Variants in TRPM4 observed in about 807,000 individuals in gnomAD.
The protein encoded by TRPM4 is transient receptor potential cation channel subfamily M member 4.
Under a neutral mutation model 135.6 loss-of-function variants are expected in TRPM4, and 124 were observed. That is an observed-to-expected ratio of 0.91 (90% CI 0.79 to 1.06). The LOEUF (loss-of-function observed/expected upper bound fraction) is 1.06, where lower values mean the gene tolerates loss of function less well. Among genes scored for constraint, TRPM4 ranks in the 50% least tolerant of loss-of-function variants. The probability of loss-of-function intolerance (pLI) is 0.00; values close to 1 mark genes in which losing one functional copy is unlikely to be tolerated. For missense variants in TRPM4, 1,658 were observed against 1,671.4 expected (o/e 0.99, Z 0.14); for synonymous variants, 745 against 705.6 (o/e 1.06, Z -0.88).
At chr19:49,164,289 CCCTCCCTTCCTT>C (rs1262727015) in intron 2 of TRPM4, among the ~76,000 whole-genome samples, 2 of 110,492 alleles carry the variant, frequency 1.8e-5, no homozygotes, top group South Asian at 3.9e-4. Flanking sequence ...CTCCCTCCCT[CCCTCCCTTCCTT>C]CCTTCCTTCC....
intron 16 of TRPM4, among the ~76,000 whole-genome samples, chr19:49,192,329 G>A (rs1169298904): frequency 2.0e-5 from 3 of 152,040 alleles, no homozygotes; most frequent in South Asian, 2.1e-4. Context: ...ATTTTTAGTA[G>A]AGACGGGGTT....
rs2122725747 is a variant in TRPM4 at position 49,158,240 on chromosome 19, G to A, written c.73G>A (p.Val25Ile). ...FKKKTCTTFIVDSTDPGGTLC... is the reference protein window; with the variant it reads ...FKKKTCTTFIIDSTDPGGTLC... ...GAAGAAGACCTGCACGACGTTCATAGTTGACTCCACAGATCCGGGGTGAGG... is the reference window on the plus strand; with the variant it reads ...GAAGAAGACCTGCACGACGTTCATAATTGACTCCACAGATCCGGGGTGAGG... Residue 25 changes from valine (V) to isoleucine (I), a missense_variant, in exon 2 of 25, where the codon GTT becomes ATT. By Grantham distance (29) the Val-to-Ile change is conservative (BLOSUM62 3). Around this residue, in one of 3 missense-constraint regions of TRPM4, gnomAD observed 239 missense variants for 240.1 expected, o/e 1.00. Coordinates refer to ENST00000252826, the MANE Select transcript of TRPM4 (RefSeq NM_017636.4). 1.2e-6 allele frequency: 2 copies of A among 1,613,914 alleles called. No individual in the cohort carries two copies. Among genetic ancestry groups the A allele is most frequent in the South Asian group, 1.1e-5 (1 of 91,080 alleles).
intron 2 of TRPM4, 41 bp downstream of exon 2, chr19:49,158,300 G>A: frequency 6.3e-7 from 1 of 1,591,374 alleles, no homozygotes; most frequent in Non-Finnish European, 8.6e-7. Context: ...AGGGTCCGCG[G>A]CCCGCTGACC....
At chr19:49,169,733 G>GT (rs905953490) in intron 6 of TRPM4, among the ~76,000 whole-genome samples, 4 of 151,310 alleles carry the variant, frequency 2.6e-5, no homozygotes, top group African/African-American at 9.7e-5. Context: ...AATTTTTAAA[G>GT]TTTTTTGTAG....
At chr19:49,179,131 C>T (rs974006856) in intron 9 of TRPM4, among the ~76,000 whole-genome samples, 1 of 152,064 alleles carries the variant, frequency 6.6e-6, no homozygotes, top group Non-Finnish European at 1.5e-5. Flanking sequence ...TCTTGGCTCA[C>T]TGCAACCTCC....
intron 20 of TRPM4, among the ~76,000 whole-genome samples, chr19:49,206,542 C>T (rs554775072): frequency 1.3e-5 from 2 of 151,688 alleles, no homozygotes; most frequent in East Asian, 1.9e-4. Context: ...CGGGCTCAAG[C>T]GATTCTCCTG....
intron 12 of TRPM4, among the ~76,000 whole-genome samples, chr19:49,185,412 T>TA (rs1196241440): frequency 6.6e-6 from 1 of 152,126 alleles, no homozygotes; most frequent in Non-Finnish European, 1.5e-5. Flanking sequence ...AAGCTAATTT[T>TA]AAAAAATTTG....
chr19:49,166,021 C>G lies in TRPM4; in HGVS notation c.93-20C>G. 8 of 1,574,488 alleles carry G rather than the reference C, an allele frequency of 5.1e-6. No homozygotes were observed. Among genetic ancestry groups the G allele is most frequent in the Non-Finnish European group, 6.9e-6 (8 of 1,161,952 alleles). On this transcript the variant is annotated intron_variant, in intron 2 of 24. Coordinates refer to ENST00000252826, the MANE Select transcript of TRPM4 (RefSeq NM_017636.4). ...GTCGGGGGGCAGCCCTGGGTTCACG[C>G]TCCGCCCTCGCACCCCCAGAGGGAC...
At chr19:49,162,901 A>C (rs1238536096) in intron 2 of TRPM4, among the ~76,000 whole-genome samples, 1 of 151,908 alleles carries the variant, frequency 6.6e-6, no homozygotes, top group Non-Finnish European at 1.5e-5. Context: ...AGCTGGGACT[A>C]CAGGCACCCG....
chr19:49,189,972 T>C (rs1252637511), intron 14 of TRPM4, among the ~76,000 whole-genome samples: 1 of 152,198 alleles, frequency 6.6e-6, no homozygotes. Context: ...CTAATCTACA[T>C]AAAGTGCTTA....
At chr19:49,182,549 C>A (rs1968019496) in intron 10 of TRPM4, 29 bp from the exon 11 acceptor site, 2 of 1,592,994 alleles carry the variant, frequency 1.3e-6, no homozygotes, top group South Asian at 1.1e-5. Flanking sequence ...TTGAGCTAAT[C>A]TCTTCCCCTA....
chr19:49,161,953 T>TA (rs1966983493), intron 2 of TRPM4, among the ~76,000 whole-genome samples: 1 of 152,304 alleles, frequency 6.6e-6, no homozygotes, highest in South Asian at 2.1e-4. Flanking sequence ...TCTGTTGAGT[T>TA]ACTTGACTGG....
At chr19:49,168,237 C>T in intron 4 of TRPM4, 23 bp from the exon 5 acceptor site, 4 of 1,614,004 alleles carry the variant, frequency 2.5e-6, no homozygotes, top group African/African-American at 1.3e-5. Flanking sequence ...CCTGCCTCTG[C>T]ATGTTCCTCG....
At chr19:49,181,033 A>T (rs147121565) in intron 9 of TRPM4, among the ~76,000 whole-genome samples, 6 of 152,086 alleles carry the variant, frequency 3.9e-5, no homozygotes, top group African/African-American at 9.7e-5. Context: ...TCTTCAGGGT[A>T]GGAACTGTAT....
At chr19:49,206,204 C>G (rs1175105349) in intron 20 of TRPM4, among the ~76,000 whole-genome samples, 1 of 152,036 alleles carries the variant, frequency 6.6e-6, no homozygotes, top group East Asian at 1.9e-4. Context: ...CTCAGGTGAT[C>G]TGCCTCGGCT....
Position 49,210,491 on chromosome 19 carries a change from C to G in TRPM4, c.3328+86C>G, listed in dbSNP as rs1309536510. 2 of 1,528,466 alleles carry G rather than the reference C, an allele frequency of 1.3e-6. No homozygotes were observed. The highest frequency in any genetic ancestry group is 4.6e-5 in the East Asian group (2 of 43,852). The allele number at this position is 1,528,466 out of a possible 1,614,324, so 94.7% of individuals were successfully genotyped here. A position where few individuals can be genotyped will look rare whatever the true frequency, so the allele number is the denominator to read the frequency against. The stretch of plus-strand genomic sequence containing the variant: ...GGGGAAGGGGGCATGCCCCAAATGA[C>G]TAACGGGCGTGGCTTAGGTAGCGAG... On this transcript the variant is annotated intron_variant, in intron 21 of 24. Coordinates refer to ENST00000252826, the MANE Select transcript of TRPM4 (RefSeq NM_017636.4). The surrounding 1 kb of genome is among the most constrained non-coding windows in gnomAD (Gnocchi z 4.1).
At chr19:49,180,882 C>T (rs997569919) in intron 9 of TRPM4, among the ~76,000 whole-genome samples, 5 of 152,022 alleles carry the variant, frequency 3.3e-5, no homozygotes, top group Admixed American at 1.3e-4. Context: ...TTCATCCATC[C>T]ATTTATCCAT....
chr19:49,166,053 C>T lies in TRPM4; in HGVS notation c.105C>T (p.Cys35=). Residue 35 remains cysteine, a synonymous_variant, in exon 3 of 25, where the codon TGC becomes TGT. Coordinates refer to ENST00000252826, the MANE Select transcript of TRPM4 (RefSeq NM_017636.4). ...VDSTDPGGTL[C]QCGRPRTAHP... is the part of the protein sequence containing the mutation. ...CTCGCACCCCCAGAGGGACCTTGTG[C>T]CAGTGTGGGCGCCCCCGGACCGCCC... The T allele has an allele frequency of 6.3e-7, 1 of 1,596,712 alleles. No individual in the cohort carries two copies. Among genetic ancestry groups the T allele is most frequent in the Non-Finnish European group, 8.5e-7 (1 of 1,173,704 alleles).
At chr19:49,208,501 C>G (rs997884289) in intron 20 of TRPM4, among the ~76,000 whole-genome samples, 1 of 151,300 alleles carries the variant, frequency 6.6e-6, no homozygotes, top group African/African-American at 2.5e-5. Context: ...TAACAGAAGG[C>G]TCACACTCTG....
Sources: allele counts gnomAD v4.1 joint callset (sites outside exome capture counted in the v4.1 genomes callset), GRCh38; gene constraint gnomAD v4.1.1; regional missense constraint gnomAD v4.1.1; non-coding constraint Gnocchi (gnomAD v3.1); transcripts MANE v1.5; gene names NCBI Gene and HGNC (gene_info 2026-07-23, HGNC 2026-07-21).